The following LDB3 variants were observed in gnomAD, a reference collection of about 807,000 sequenced individuals.
The protein encoded by LDB3 is LIM domain binding 3, also known as LIM domain-binding protein 3.
Under a neutral mutation model 69.0 loss-of-function variants are expected in LDB3, and 49 were observed. That is an observed-to-expected ratio of 0.71 (90% CI 0.56 to 0.90). LDB3 has a LOEUF of 0.90. Among genes scored for constraint, LDB3 ranks in the 40% least tolerant of loss-of-function variants. The pLI is 0.00. For missense variants in LDB3, 928 were observed against 974.1 expected, an observed-to-expected ratio of 0.95 and a Z score of 0.63; for synonymous variants, 387 against 396.2, an observed-to-expected ratio of 0.98 and a Z score of 0.28.
intron 13 of LDB3, among the ~76,000 whole-genome samples, chr10:86,732,108 G>A (rs184515848): frequency 2.7e-4 from 40 of 150,102 alleles, no homozygotes; most frequent in Admixed American, 1.7e-3. Flanking sequence ...GCCTTCCAAA[G>A]TGTAGGGATT....
chr10:86,713,534 C>T (rs1292749711), intron 9 of LDB3, among the ~76,000 whole-genome samples: 3 of 152,128 alleles, frequency 2.0e-5, no homozygotes, highest in Non-Finnish European at 2.9e-5. Flanking sequence ...CGTGAGCCAC[C>T]GCGCCCAGCC....
chr10:86,734,211 A>G lies in LDB3; in HGVS notation c.*1235A>G, dbSNP rs893525993. ...ATATATGCATTTGCTGTTTTGGCCA[A>G]TATTTTGAAAATGTATGAGCTGAGT... On this transcript the variant is annotated 3_prime_UTR_variant, in exon 14 of 14. Coordinates refer to ENST00000361373, the MANE Select transcript of LDB3 (RefSeq NM_007078.3). 2.0e-5 allele frequency: 3 copies of G among 152,350 alleles called. No homozygotes were observed. The highest frequency in any genetic ancestry group is 1.9e-4 in the East Asian group (1 of 5,188). 9.4% of individuals were successfully genotyped at this position (152,350 alleles called of 1,614,324 possible).
At chr10:86,687,496 A>T (rs933346425) in intron 5 of LDB3, among the ~76,000 whole-genome samples, 1 of 152,180 alleles carries the variant, frequency 6.6e-6, no homozygotes, top group East Asian at 1.9e-4. Flanking sequence ...AATGCAGAAA[A>T]TGGTGGCTCC....
Position 86,736,057 on chromosome 10 carries a change from A to G in LDB3, c.*3081A>G, listed in dbSNP as rs1350766814. The G allele has an allele frequency of 6.6e-6, 1 of 152,080 alleles. No individual in the cohort carries two copies. Among genetic ancestry groups the G allele is most frequent in the African/African-American group, 2.4e-5 (1 of 41,440 alleles). 9.4% of individuals were successfully genotyped at this position (152,080 alleles called of 1,614,324 possible). On this transcript the variant is annotated 3_prime_UTR_variant, in exon 14 of 14. Transcript: ENST00000361373. ...TTTTAGCAAAAATAAAGCCCCCCAAAGGATGTGCAAATACAGATTTTTCTG... is the reference window on the plus strand; with the variant it reads ...TTTTAGCAAAAATAAAGCCCCCCAAGGGATGTGCAAATACAGATTTTTCTG...
chr10:86,726,400 G>T (rs17106978), intron 13 of LDB3, 148 bp downstream of exon 13: 2 of 698,406 alleles, frequency 2.9e-6, no homozygotes, highest in East Asian at 2.7e-5. Context: ...ATGATGCCTC[G>T]ATACATCACA....
At chr10:86,724,218 G>A (rs1170637963) in intron 12 of LDB3, among the ~76,000 whole-genome samples, 2 of 152,174 alleles carry the variant, frequency 1.3e-5, no homozygotes, top group African/African-American at 2.4e-5. Context: ...GGCTGAGGTG[G>A]GAGAACTGCT....
At position 86,736,001 on chromosome 10, in the gene LDB3, TG is replaced by T. The variant is rs1000547986; in HGVS notation, c.*3026del. 1 of 151,822 alleles carries T rather than the reference TG, an allele frequency of 6.6e-6. No homozygotes were observed. The highest frequency in any genetic ancestry group is 1.5e-5 in the Non-Finnish European group (1 of 67,968). The allele number at this position is 151,822 out of a possible 1,614,324, so 9.4% of individuals were successfully genotyped here. Reference sequence around the variant, plus strand: ...GGTGTGCACAAAAATATTTTGCATGTGTTTTTTTTTTTGCCTGTGTGAATTC... The same window carrying T: ...GGTGTGCACAAAAATATTTTGCATGTTTTTTTTTTTTGCCTGTGTGAATTC... On this transcript the variant is annotated 3_prime_UTR_variant, in exon 14 of 14. Transcript: ENST00000361373.
At chr10:86,712,045 T>C (rs1846688648) in intron 9 of LDB3, among the ~76,000 whole-genome samples, 1 of 152,096 alleles carries the variant, frequency 6.6e-6, no homozygotes, top group South Asian at 2.1e-4. Context: ...ATCAGGTCTC[T>C]CCTGGCGTGA....
chr10:86,726,252 A>G lies in LDB3; in HGVS notation c.2094A>G (p.Ala698=). The stretch of plus-strand genomic sequence containing the variant: ...GGCACGACACCTGCTTCATTTGCGC[A>G]GTATGTCTCTAGCTTGGGGCTCTGG... The part of the protein sequence containing the change: ...HTWHDTCFIC[A]VCHVNLEGQP... Residue 698 remains alanine (A), a splice_region_variant and synonymous_variant, in exon 13 of 14, where the codon GCA becomes GCG. Coordinates refer to ENST00000361373, the MANE Select transcript of LDB3 (RefSeq NM_007078.3). 6.2e-7 allele frequency: 1 copy of G among 1,613,094 alleles called. No individual in the cohort carries two copies. Among genetic ancestry groups the G allele is most frequent in the South Asian group, 1.1e-5 (1 of 91,058 alleles).
chr10:86,687,150 G>A lies in LDB3; in HGVS notation c.690-4746G>A, dbSNP rs760615794. The stretch of plus-strand genomic sequence containing the variant: ...CCCACAAGCCCATCGAGGTGAAGGG[G>A]CTGGGCGGCAAGGCCACCATCATCC... On this transcript the variant is annotated intron_variant, in intron 5 of 13. Transcript: ENST00000361373. 4 of 1,614,216 alleles carry A rather than the reference G, an allele frequency of 2.5e-6. No homozygotes were observed. The South Asian group carries it at 4.4e-5, about 18-fold the overall frequency.
rs1040050699 is a variant in LDB3 at position 86,710,187 on chromosome 10, C to G, written c.1231+137C>G. On this transcript the variant is annotated intron_variant, in intron 9 of 13. Transcript: ENST00000361373. ...GCCTTGCTAATGATGCTCCGCCCTC[C>G]GTCCCCTAGCTGTGGGTCAGAATCC... 9.8e-6 allele frequency: 15 copies of G among 1,525,400 alleles called. No individual in the cohort carries two copies. In the African/African-American group the frequency reaches 1.4e-4, roughly 14 times the overall value. The allele number at this position is 1,525,400 out of a possible 1,614,324, so 94.5% of individuals were successfully genotyped here.
chr10:86,702,069 C>T (rs1487178959), intron 7 of LDB3, among the ~76,000 whole-genome samples: 1 of 152,164 alleles, frequency 6.6e-6, no homozygotes, highest in Non-Finnish European at 1.5e-5. Flanking sequence ...GCCATAGTCA[C>T]CAGGCAGCAA....
chr10:86,670,584 T>G (rs139932005), intron 2 of LDB3, among the ~76,000 whole-genome samples: 129 of 152,308 alleles, frequency 8.5e-4, no homozygotes, highest in African/African-American at 3.0e-3. Context: ...ATGTGCCACC[T>G]GGCCCCGGCC....
At position 86,699,646 on chromosome 10, in the gene LDB3, A is replaced by T; in HGVS notation, c.897-6885A>T. 7.5e-6 allele frequency: 10 copies of T among 1,324,510 alleles called. No homozygotes were observed. The highest frequency in any genetic ancestry group is 9.7e-6 in the Non-Finnish European group (10 of 1,028,586). 82.0% of individuals were successfully genotyped at this position (1,324,510 alleles called of 1,614,324 possible). A position where few individuals can be genotyped will look rare whatever the true frequency, so the allele number is the denominator to read the frequency against. On this transcript the variant is annotated intron_variant, in intron 7 of 13. Transcript: ENST00000361373. The surrounding 1 kb of genome is among the most constrained non-coding windows in gnomAD (Gnocchi z 4.9). ...CGTAGCCCAATCCCCTGCCCTCTGC[A>T]CAGGGCCTTAGCTGTAGACCAGAGA...
In LDB3 at chr10:86,710,062, A is replaced by G. The variant is rs1479506454; in HGVS notation, c.1231+12A>G. On this transcript the variant is annotated intron_variant, in intron 9 of 13. Transcript: ENST00000361373. ...TGTCTACCAGCCAGGTAAGAGGCAGAGCAGGAGGGGAGGCTGTCGAAAGCC... is the reference window on the plus strand; with the variant it reads ...TGTCTACCAGCCAGGTAAGAGGCAGGGCAGGAGGGGAGGCTGTCGAAAGCC... 1 of 1,612,108 alleles carries G rather than the reference A, an allele frequency of 6.2e-7. No individual in the cohort carries two copies. The highest frequency in any genetic ancestry group is 1.7e-5 in the Admixed American group (1 of 59,966).
In LDB3 at chr10:86,668,673, G is replaced by C. The variant is rs770775053; in HGVS notation, c.-19G>C. 1 of 1,604,556 alleles carries C rather than the reference G, an allele frequency of 6.2e-7. No homozygotes were observed. The highest frequency in any genetic ancestry group is 1.3e-5 in the African/African-American group (1 of 74,714). On this transcript the variant is annotated 5_prime_UTR_variant, in exon 2 of 14. Coordinates refer to ENST00000361373, the MANE Select transcript of LDB3 (RefSeq NM_007078.3). ...CTCTCTACCCTTTGTCTGCAGAGGC[G>C]GCCGCTGACAGCACCAGCATGTCTT...
At chr10:86,713,536 C>T (rs1020856340) in intron 9 of LDB3, among the ~76,000 whole-genome samples, 4 of 152,134 alleles carry the variant, frequency 2.6e-5, no homozygotes, top group Admixed American at 2.0e-4. Flanking sequence ...TGAGCCACCG[C>T]GCCCAGCCAA....
At chr10:86,710,853 G>C (rs1181064471) in intron 9 of LDB3, among the ~76,000 whole-genome samples, 4 of 152,206 alleles carry the variant, frequency 2.6e-5, no homozygotes, top group African/African-American at 9.7e-5. Context: ...CCGGTGCCAC[G>C]GCCTGCTCTG....
At chr10:86,705,064 T>TTATTCTAATTATTTCCAA (rs1474301943) in intron 7 of LDB3, among the ~76,000 whole-genome samples, 4 of 152,222 alleles carry the variant, frequency 2.6e-5, no homozygotes, top group Non-Finnish European at 5.9e-5. Flanking sequence ...CAAAGTATTG[T>TTATTCTAATTATTTCCAA]TATTCTAATT....
Sources: allele counts gnomAD v4.1 joint callset (sites outside exome capture counted in the v4.1 genomes callset), GRCh38; gene constraint gnomAD v4.1.1; non-coding constraint Gnocchi (gnomAD v3.1); transcripts MANE v1.5; gene names NCBI Gene and HGNC (gene_info 2026-07-23, HGNC 2026-07-21).